PCDHGA2: variants seen among roughly 807,000 people sequenced by gnomAD.
The protein encoded by PCDHGA2 is protocadherin gamma-A2.
A neutral mutation model predicts 59.2 loss-of-function variants in PCDHGA2; 40 were observed. The observed-to-expected ratio is 0.68, with a 90% CI of 0.52 to 0.88. The LOEUF (loss-of-function observed/expected upper bound fraction) is 0.88. Ranked by LOEUF, PCDHGA2 falls within the 40% of genes least tolerant of loss-of-function variation. The pLI, the probability that PCDHGA2 is intolerant of heterozygous loss-of-function variation, is 0.00. For synonymous variants in PCDHGA2, 560 were observed against 526.0 expected, an observed-to-expected ratio of 1.06 and a Z score of -0.89; for missense variants, 1,226 against 1,204.0, an observed-to-expected ratio of 1.02 and a Z score of -0.27.
At chr5:141,399,624 T>C (rs1006867896) in intron 1 of PCDHGA2, 9 of 1,613,898 alleles carry the variant, frequency 5.6e-6, no homozygotes, top group African/African-American at 4.0e-5. Flanking sequence ...CACTGGCCTC[T>C]TACGTGTCCA....
At chr5:141,423,745 C>A (rs561499055) in intron 1 of PCDHGA2, 2 of 605,688 alleles carry the variant, frequency 3.3e-6, no homozygotes, top group Non-Finnish European at 4.0e-6. Context: ...GTTATGAAAA[C>A]TGTTTGGGGG....
In PCDHGA2 at chr5:141,490,801, A is replaced by G; in HGVS notation, c.2425-4006A>G. On this transcript the variant is annotated intron_variant, in intron 1 of 3. Transcript: ENST00000394576. The surrounding 1 kb of genome is among the most constrained non-coding windows in gnomAD (Gnocchi z 5.4). ...GGATGGACGGATCTTTGCCCAGCGT[A>G]CCTTTGACTATGAATTGCTGCAGAT... The G allele has an allele frequency of 6.2e-7, 1 of 1,613,854 alleles. No homozygotes were observed. Among genetic ancestry groups the G allele is most frequent in the African/African-American group, 1.3e-5 (1 of 75,042 alleles).
At chr5:141,428,220 C>T (rs1228544858) in intron 1 of PCDHGA2, 1 of 1,178,786 alleles carries the variant, frequency 8.5e-7, no homozygotes. Flanking sequence ...ACCTAGTCTT[C>T]GCAGACAGCC....
rs747943587 is a variant in PCDHGA2 at position 141,345,095 on chromosome 5, C to T, written c.2424+3700C>T. 6 of 1,613,988 alleles carry T rather than the reference C, an allele frequency of 3.7e-6. No homozygotes were observed. The South Asian group carries it at 5.5e-5, about 15-fold the overall frequency. On this transcript the variant is annotated intron_variant, in intron 1 of 3. Coordinates refer to ENST00000394576, the MANE Select transcript of PCDHGA2 (RefSeq NM_018915.4). ...AAATTACAATCACGTCTCTCACAAG[C>T]TCAGTCCCAGAAGAGGGCACCGTTG... is the stretch of plus-strand genomic sequence containing the variant.
At chr5:141,368,326 T>C (rs1444418576) in intron 1 of PCDHGA2, among the ~76,000 whole-genome samples, 2 of 152,122 alleles carry the variant, frequency 1.3e-5, no homozygotes, top group Non-Finnish European at 2.9e-5. Context: ...TTCAAGTATA[T>C]CTATATCTAT....
rs182682202 is a variant in PCDHGA2 at position 141,445,418 on chromosome 5, T to A, written c.2425-49389T>A. Among the ~76,000 whole-genome samples the A allele has an allele frequency of 2.2e-3, 335 of 152,310 alleles. 1 individual carries two copies. Among genetic ancestry groups the A allele is most frequent in the Middle Eastern group, 0.01 (3 of 294 alleles). Reference sequence around the variant, plus strand: ...ACAAATATTTATTAACTGTCTGCTATATGCAAGGCACTGACCTATGGACTA... The same window carrying A: ...ACAAATATTTATTAACTGTCTGCTAAATGCAAGGCACTGACCTATGGACTA... On this transcript the variant is annotated intron_variant, in intron 1 of 3. Transcript: ENST00000394576.
rs758172625 is a variant in PCDHGA2 at position 141,365,486 on chromosome 5, A to G, written c.2424+24091A>G. The G allele has an allele frequency of 3.7e-6, 6 of 1,613,992 alleles. No individual in the cohort carries two copies. The East Asian group carries it at 8.9e-5, about 24-fold the overall frequency. On this transcript the variant is annotated intron_variant, in intron 1 of 3. Coordinates refer to ENST00000394576, the MANE Select transcript of PCDHGA2 (RefSeq NM_018915.4). ...AGAAAATGGTGAGATTGCATGCTCT[A>G]TTCCTAGGAATTTGCCTTTTAAATT...
Position 141,486,587 on chromosome 5 carries a change from G to C in PCDHGA2, c.2425-8220G>C. 6.2e-7 allele frequency: 1 copy of C among 1,613,596 alleles called. No individual in the cohort carries two copies. The highest frequency in any genetic ancestry group is 8.5e-7 in the Non-Finnish European group (1 of 1,180,006). On this transcript the variant is annotated intron_variant, in intron 1 of 3. Transcript: ENST00000394576. The surrounding 1 kb of genome is among the most constrained non-coding windows in gnomAD (Gnocchi z 5.0). ...TGTTCCTGAGAACAATCGCCCAGGG[G>C]ACCTGCTTTGCTCCCTTGCAGCCTC...
chr5:141,344,625 C>T (rs746729408), intron 1 of PCDHGA2: 5 of 1,613,934 alleles, frequency 3.1e-6, no homozygotes, highest in East Asian at 4.5e-5. Context: ...GGTGCTGGAG[C>T]GGGCCCTGGA....
intron 1 of PCDHGA2, among the ~76,000 whole-genome samples, chr5:141,492,103 T>G (rs1458656062): frequency 6.6e-6 from 1 of 152,134 alleles, no homozygotes; most frequent in Non-Finnish European, 1.5e-5. Flanking sequence ...GTCTGTAGAT[T>G]TCCTCTTCGA....
At chr5:141,389,889 G>T (rs1190060148) in intron 1 of PCDHGA2, 1 of 1,614,086 alleles carries the variant, frequency 6.2e-7, no homozygotes, top group South Asian at 1.1e-5. Context: ...CTTGCAGGAG[G>T]TGCTGCCGGA....
At position 141,477,898 on chromosome 5, in the gene PCDHGA2, A is replaced by C; in HGVS notation, c.2425-16909A>C. The C allele has an allele frequency of 6.2e-7, 1 of 1,614,158 alleles. No individual in the cohort carries two copies. Among genetic ancestry groups the C allele is most frequent in the East Asian group, 2.2e-5 (1 of 44,864 alleles). ...CTGGCCACCTAGTGTCACGGGTGGT[A>C]GGCTGGGACGCGGATGCAGGGCACA... On this transcript the variant is annotated intron_variant, in intron 1 of 3. Transcript: ENST00000394576. This position sits in a 1 kb window ranked among gnomAD's most constrained non-coding sequence, Gnocchi z 4.9.
intron 1 of PCDHGA2, among the ~76,000 whole-genome samples, chr5:141,482,410 T>G (rs1054330181): frequency 2.3e-4 from 35 of 151,890 alleles, no homozygotes; most frequent in Non-Finnish European, 1.0e-4. Flanking sequence ...AATAACTATT[T>G]GTTGAACTAA....
At chr5:141,483,385 G>C (rs1166547027) in intron 1 of PCDHGA2, among the ~76,000 whole-genome samples, 1 of 152,160 alleles carries the variant, frequency 6.6e-6, no homozygotes, top group Non-Finnish European at 1.5e-5. Context: ...AGAGAAGATT[G>C]ATAAATGCTT....
chr5:141,506,801 C>A (rs1322016728), intron 3 of PCDHGA2, among the ~76,000 whole-genome samples: 2 of 152,166 alleles, frequency 1.3e-5, no homozygotes, highest in Non-Finnish European at 2.9e-5. Flanking sequence ...GGCAGAGGAT[C>A]AAGGCATTGC....
intron 1 of PCDHGA2, chr5:141,351,149 A>G (rs1588485949): frequency 6.2e-7 from 1 of 1,614,066 alleles, no homozygotes; most frequent in Non-Finnish European, 8.5e-7. Flanking sequence ...TACTGGCGAC[A>G]TCACAACCAA....
chr5:141,491,407 G>A lies in PCDHGA2; in HGVS notation c.2425-3400G>A. ...GAAGTGCCTTCAGGGAAACGCAGAC[G>A]GGGACGGGGGTGGAGGGCAGTGCTG... is the stretch of plus-strand genomic sequence containing the variant. On this transcript the variant is annotated intron_variant, in intron 1 of 3. Transcript: ENST00000394576. The surrounding 1 kb of genome is among the most constrained non-coding windows in gnomAD (Gnocchi z 6.9). The A allele has an allele frequency of 6.2e-7, 1 of 1,614,116 alleles. No individual in the cohort carries two copies. The highest frequency in any genetic ancestry group is 8.5e-7 in the Non-Finnish European group (1 of 1,180,000).
chr5:141,455,580 T>G (rs572453788), intron 1 of PCDHGA2, among the ~76,000 whole-genome samples: 26 of 152,142 alleles, frequency 1.7e-4, no homozygotes, highest in Middle Eastern at 3.2e-3. Context: ...ACCCCAGCCT[T>G]TTAATATGCA....
Position 141,490,958 on chromosome 5 carries a change from A to T in PCDHGA2, c.2425-3849A>T, listed in dbSNP as rs771797392. 4.6e-5 allele frequency: 74 copies of T among 1,613,610 alleles called. No individual in the cohort carries two copies. The highest frequency in any genetic ancestry group is 1.6e-4 in the Middle Eastern group (1 of 6,084). ...CTGCACCCACGGCCAGACTGGGAAC[A>T]CTCAGCCCCCCAGCGTCTCCCTCGC... On this transcript the variant is annotated intron_variant, in intron 1 of 3. Coordinates refer to ENST00000394576, the MANE Select transcript of PCDHGA2 (RefSeq NM_018915.4). This position sits in a 1 kb window ranked among gnomAD's most constrained non-coding sequence, Gnocchi z 5.4.
Sources: gnomAD v4.1 joint callset for allele counts (sites outside exome capture counted in the v4.1 genomes callset) on GRCh38, gnomAD v4.1.1 for gene constraint, Gnocchi (gnomAD v3.1) non-coding constraint, MANE v1.5 for transcripts, NCBI Gene and HGNC (gene_info 2026-07-23, HGNC 2026-07-21) for gene names.